Variants in FRS2 observed in about 807,000 individuals in gnomAD.
The protein encoded by FRS2 is fibroblast growth factor receptor substrate 2, also known as FGFR signalling adaptor.
A neutral mutation model predicts 43.9 loss-of-function variants in FRS2; 8 were observed. The observed-to-expected ratio is 0.18, with a 90% CI of 0.11 to 0.33. The LOEUF is 0.33. Among genes scored for constraint, FRS2 ranks in the 10% least tolerant of loss-of-function variants. The probability of loss-of-function intolerance (pLI) is 1.00; values close to 1 mark genes in which losing one functional copy is unlikely to be tolerated. For synonymous variants in FRS2, 219 were observed against 220.3 expected (o/e 0.99, Z 0.05); for missense variants, 534 against 627.6 (o/e 0.85, Z 1.59).
chr12:69,493,390 T>C (rs985560367), intron 1 of FRS2, among the ~76,000 whole-genome samples: 1 of 152,194 alleles, frequency 6.6e-6, no homozygotes, highest in African/African-American at 2.4e-5. Flanking sequence ...TAAAATGCCC[T>C]TTGAACCTGT....
At chr12:69,486,797 A>C (rs533683307) in intron 1 of FRS2, among the ~76,000 whole-genome samples, 1 of 152,368 alleles carries the variant, frequency 6.6e-6, no homozygotes, top group East Asian at 1.9e-4. Context: ...AGATCAAACC[A>C]GCCATAACAT....
intron 3 of FRS2, among the ~76,000 whole-genome samples, chr12:69,550,426 T>G (rs1322869436): frequency 1.3e-5 from 2 of 151,950 alleles, no homozygotes; most frequent in Non-Finnish European, 2.9e-5. Flanking sequence ...TAACTCAACC[T>G]GTGAGGAAAT....
At chr12:69,558,738 A>T (rs1269280248) in intron 3 of FRS2, among the ~76,000 whole-genome samples, 1 of 152,122 alleles carries the variant, frequency 6.6e-6, no homozygotes, top group East Asian at 1.9e-4. Context: ...CAGTTCTGCC[A>T]CATACTCATT....
chr12:69,476,448 A>G (rs1870780809), intron 1 of FRS2, among the ~76,000 whole-genome samples: 1 of 152,190 alleles, frequency 6.6e-6, no homozygotes, highest in Non-Finnish European at 1.5e-5. Flanking sequence ...CGCCTTTGAC[A>G]TAGTGAAGCA....
intron 1 of FRS2, among the ~76,000 whole-genome samples, chr12:69,517,492 A>G (rs913456643): frequency 2.6e-5 from 4 of 151,302 alleles, no homozygotes; most frequent in African/African-American, 9.7e-5. Context: ...CTTTAGGGGC[A>G]TTTGCCAATG....
chr12:69,480,523 A>C (rs1871259927), intron 1 of FRS2, among the ~76,000 whole-genome samples: 2 of 152,138 alleles, frequency 1.3e-5, no homozygotes, highest in Admixed American at 1.3e-4. Flanking sequence ...GACTCTTCAT[A>C]GCGGCGATCA....
intron 3 of FRS2, among the ~76,000 whole-genome samples, chr12:69,539,680 A>G (rs2135698969): frequency 6.6e-6 from 1 of 152,206 alleles, no homozygotes; most frequent in East Asian, 1.9e-4. Flanking sequence ...GGCTTAATCT[A>G]GGACTAGGGC....
chr12:69,546,447 A>G (rs1243583577), intron 3 of FRS2, among the ~76,000 whole-genome samples: 1 of 152,058 alleles, frequency 6.6e-6, no homozygotes, highest in African/African-American at 2.4e-5. Flanking sequence ...TATTAGAGGC[A>G]GGGTTTTGCT....
At chr12:69,474,175 C>T (rs375557338) in intron 1 of FRS2, among the ~76,000 whole-genome samples, 115 of 152,182 alleles carry the variant, frequency 7.6e-4, no homozygotes, top group African/African-American at 2.1e-3. Flanking sequence ...GAGATGTTGA[C>T]GGTGGTACTC....
chr12:69,555,060 T>C (rs1411159537), intron 3 of FRS2, among the ~76,000 whole-genome samples: 2 of 151,948 alleles, frequency 1.3e-5, no homozygotes, highest in Admixed American at 6.6e-5. Flanking sequence ...GTTTTTCTTT[T>C]TTTTGAGACG....
At chr12:69,490,243 TTATC>T (rs1592927810) in intron 1 of FRS2, among the ~76,000 whole-genome samples, 1 of 152,182 alleles carries the variant, frequency 6.6e-6, no homozygotes, top group African/African-American at 2.4e-5. Context: ...TAATAATTCT[TTATC>T]TAATAGCAAA....
At chr12:69,477,320 C>G (rs1255522377) in intron 1 of FRS2, among the ~76,000 whole-genome samples, 3 of 148,820 alleles carry the variant, frequency 2.0e-5, no homozygotes, top group Non-Finnish European at 3.0e-5. Flanking sequence ...TCGCTGTGTC[C>G]CCCAGGTTGG....
intron 1 of FRS2, among the ~76,000 whole-genome samples, chr12:69,521,074 T>G (rs908974904): frequency 6.6e-6 from 1 of 152,228 alleles, no homozygotes; most frequent in Non-Finnish European, 1.5e-5. Context: ...ATCTCTGATT[T>G]CTTTGAGCAG....
intron 4 of FRS2, among the ~76,000 whole-genome samples, chr12:69,566,564 G>A (rs955142583): frequency 6.6e-6 from 1 of 151,836 alleles, no homozygotes; most frequent in African/African-American, 2.4e-5. Flanking sequence ...CCGAGATCAC[G>A]CCATAGCACT....
intron 4 of FRS2, among the ~76,000 whole-genome samples, chr12:69,564,300 T>A (rs1430006850): frequency 1.3e-5 from 2 of 151,994 alleles, no homozygotes; most frequent in Non-Finnish European, 2.9e-5. Context: ...TTAAACACAT[T>A]TGTATTTCCC....
At chr12:69,565,088 A>G (rs1440521574) in intron 4 of FRS2, among the ~76,000 whole-genome samples, 5 of 152,206 alleles carry the variant, frequency 3.3e-5, no homozygotes, top group African/African-American at 1.2e-4. Flanking sequence ...ATAGCCTACT[A>G]TACACCTAGG....
chr12:69,537,069 A>G (rs569088298), intron 3 of FRS2, among the ~76,000 whole-genome samples: 1 of 152,122 alleles, frequency 6.6e-6, no homozygotes, highest in Non-Finnish European at 1.5e-5. Context: ...CTATTTTAAC[A>G]TGCTTTTCTT....
chr12:69,557,609 T>TGCGCGC (rs1879477458), intron 3 of FRS2, among the ~76,000 whole-genome samples: 2 of 125,014 alleles, frequency 1.6e-5, no homozygotes, highest in Non-Finnish European at 1.6e-5. Flanking sequence ...TGTGTGTGTG[T>TGCGCGC]GTGTGTGTGT....
intron 1 of FRS2, among the ~76,000 whole-genome samples, chr12:69,526,936 G>A (rs900341772): frequency 6.6e-6 from 1 of 152,098 alleles, no homozygotes; most frequent in Non-Finnish European, 1.5e-5. Flanking sequence ...TGTTATCCAG[G>A]ATGGTCTCGA....
Sources: gnomAD v4.1 joint callset for allele counts (sites outside exome capture counted in the v4.1 genomes callset) on GRCh38, gnomAD v4.1.1 for gene constraint, MANE v1.5 for transcripts, NCBI Gene and HGNC (gene_info 2026-07-23, HGNC 2026-07-21) for gene names.